Variants in LINGO2 observed in about 807,000 individuals in gnomAD.
LINGO2 encodes the protein leucine-rich repeat and immunoglobulin-like domain-containing nogo receptor-interacting protein 2.
LINGO2 carries 14 observed loss-of-function variants against 30.6 expected under a neutral mutation model. The observed-to-expected ratio is 0.46, with a 90% CI of 0.30 to 0.72. LINGO2 has a LOEUF of 0.72. Among genes scored for constraint, LINGO2 ranks in the 30% least tolerant of loss-of-function variants. The pLI is 0.07. For missense variants in LINGO2, 729 were observed against 751.7 expected, an observed-to-expected ratio of 0.97 and a Z score of 0.35; for synonymous variants, 317 against 288.5, an observed-to-expected ratio of 1.10 and a Z score of -1.00.
At chr9:29,046,917 A>T in the LINGO2 span, among the ~76,000 whole-genome samples, 1 of 75,752 alleles carries the variant, frequency 1.3e-5, no homozygotes, top group Non-Finnish European at 3.0e-5. Context: ...CATCTCTACT[A>T]AAGATACAAA....
intron 4 of LINGO2, among the ~76,000 whole-genome samples, chr9:28,231,225 C>A (rs1242806311): frequency 1.3e-5 from 2 of 151,534 alleles, no homozygotes; most frequent in Non-Finnish European, 3.0e-5. Context: ...GATATTATTA[C>A]ATTGGAAGGT....
the LINGO2 span, among the ~76,000 whole-genome samples, chr9:29,202,004 T>C: frequency 1.3e-5 from 2 of 152,162 alleles, no homozygotes; most frequent in Non-Finnish European, 1.5e-5. Context: ...ACAGTATTAC[T>C]ATGGTTTTGG....
intron 1 of LINGO2, chr9:28,598,536 C>G (rs1825313607): frequency 6.6e-6 from 1 of 152,116 alleles, no homozygotes; most frequent in Non-Finnish European, 1.5e-5. Flanking sequence ...CAGGAGCCTG[C>G]CAAATGAGCC....
At chr9:28,360,203 G>T (rs1336405339) in intron 3 of LINGO2, among the ~76,000 whole-genome samples, 1 of 152,110 alleles carries the variant, frequency 6.6e-6, no homozygotes, top group Non-Finnish European at 1.5e-5. Context: ...CAGTGTTTTT[G>T]TTAAAATGAG....
At chr9:28,502,785 A>G (rs941745394) in intron 1 of LINGO2, among the ~76,000 whole-genome samples, 2 of 152,120 alleles carry the variant, frequency 1.3e-5, no homozygotes, top group African/African-American at 4.8e-5. Context: ...AGCACTAAAA[A>G]CATTCCTTTT....
chr9:28,194,381 G>A (rs1587192206), intron 4 of LINGO2, among the ~76,000 whole-genome samples: 1 of 151,876 alleles, frequency 6.6e-6, no homozygotes, highest in South Asian at 2.1e-4. Flanking sequence ...TCTGAGAAAG[G>A]TACCAGTTTA....
At chr9:28,095,904 T>C (rs996031354) in intron 4 of LINGO2, among the ~76,000 whole-genome samples, 2 of 152,114 alleles carry the variant, frequency 1.3e-5, no homozygotes, top group African/African-American at 4.8e-5. Context: ...GCGAAGGACA[T>C]GAACAGACAC....
At chr9:28,150,606 A>T (rs993679395) in intron 4 of LINGO2, among the ~76,000 whole-genome samples, 9 of 152,202 alleles carry the variant, frequency 5.9e-5, no homozygotes, top group Admixed American at 5.9e-4. Flanking sequence ...AGTTGAGAGC[A>T]GGATGGTCTT....
At chr9:28,990,368 G>C in the LINGO2 span, among the ~76,000 whole-genome samples, 1 of 152,186 alleles carries the variant, frequency 6.6e-6, no homozygotes, top group African/African-American at 2.4e-5. Flanking sequence ...GAACTGGGTG[G>C]AGCCCACCAC....
the LINGO2 span, among the ~76,000 whole-genome samples, chr9:28,794,082 G>C: frequency 7.2e-5 from 11 of 152,094 alleles, no homozygotes; most frequent in Non-Finnish European, 1.5e-4. Flanking sequence ...GAGGAGGGCG[G>C]ATCACGAGGT....
the LINGO2 span, among the ~76,000 whole-genome samples, chr9:29,002,555 T>C: frequency 2.0e-5 from 3 of 152,058 alleles, no homozygotes; most frequent in African/African-American, 4.8e-5. Context: ...TTGGAAGATA[T>C]AGCTCGTAAC....
At position 28,201,766 on chromosome 9, in the gene LINGO2, C is replaced by A. The variant is rs973846800; in HGVS notation, c.-87+93442G>T. Among the ~76,000 whole-genome samples, 5 of 151,950 alleles carry A rather than the reference C, an allele frequency of 3.3e-5. No homozygotes were observed. The South Asian group carries it at 8.3e-4, about 25-fold the overall frequency. ...ATATTTAGTTCTTCCTTTCCCCCCA[C>A]ATCCTTTCTCCCCTCTCTTTTCCTC... On this transcript the variant is annotated intron_variant, in intron 4 of 5. Coordinates refer to ENST00000379992, the Ensembl canonical transcript of LINGO2.
At chr9:28,055,719 T>C (rs1430798502) in intron 4 of LINGO2, among the ~76,000 whole-genome samples, 1 of 152,188 alleles carries the variant, frequency 6.6e-6, no homozygotes, top group Admixed American at 6.6e-5. Flanking sequence ...TAAAATTCTT[T>C]AAAAGATATG....
the LINGO2 span, among the ~76,000 whole-genome samples, chr9:29,206,299 T>A: frequency 6.6e-6 from 1 of 152,206 alleles, no homozygotes; most frequent in Non-Finnish European, 1.5e-5. Flanking sequence ...ATTTGTAATT[T>A]AATATATATC....
At chr9:29,059,004 C>T in the LINGO2 span, among the ~76,000 whole-genome samples, 1 of 151,568 alleles carries the variant, frequency 6.6e-6, no homozygotes, top group East Asian at 1.9e-4. Flanking sequence ...GTTCTTAATA[C>T]TAGCAAAAAC....
intron 3 of LINGO2, among the ~76,000 whole-genome samples, chr9:28,306,667 T>C (rs1465054558): frequency 6.6e-6 from 1 of 151,884 alleles, no homozygotes; most frequent in East Asian, 1.9e-4. Flanking sequence ...ATCAACAAAA[T>C]TGATAGACCG....
intron 4 of LINGO2, among the ~76,000 whole-genome samples, chr9:28,241,843 G>A (rs918078467): frequency 1.1e-4 from 17 of 152,150 alleles, no homozygotes; most frequent in African/African-American, 4.1e-4. Context: ...TAGGGCATGA[G>A]GTAAACCCCC....
At chr9:28,780,078 A>G in the LINGO2 span, among the ~76,000 whole-genome samples, 1 of 152,160 alleles carries the variant, frequency 6.6e-6, no homozygotes, top group African/African-American at 2.4e-5. Flanking sequence ...ATGGAACCTG[A>G]CAGTAAATGA....
chr9:28,640,865 G>T (rs879057946), intron 1 of LINGO2, among the ~76,000 whole-genome samples: 3 of 152,160 alleles, frequency 2.0e-5, no homozygotes, highest in African/African-American at 7.2e-5. Flanking sequence ...TCTGTTGCTG[G>T]TGAGGAGCTA....
Sources: gnomAD v4.1 joint callset for allele counts (sites outside exome capture counted in the v4.1 genomes callset) on GRCh38, gnomAD v4.1.1 for gene constraint, MANE v1.5 for transcripts, NCBI Gene and HGNC (gene_info 2026-07-23, HGNC 2026-07-21) for gene names.